Variants in SLC35F3 observed in about 807,000 individuals in gnomAD.
The protein encoded by SLC35F3 is putative thiamine transporter SLC35F3.
SLC35F3 carries 25 observed loss-of-function variants against 49.9 expected under a neutral mutation model. That is an observed-to-expected ratio of 0.50 (90% confidence interval 0.37 to 0.70). The LOEUF (loss-of-function observed/expected upper bound fraction) is 0.70, where lower values mean the gene tolerates loss of function less well. Ranked by LOEUF, SLC35F3 falls within the 30% of genes least tolerant of loss-of-function variation. The pLI is 0.00. For synonymous variants in SLC35F3, 275 were observed against 265.4 expected, an observed-to-expected ratio of 1.04 and a Z score of -0.35; for missense variants, 525 against 639.8, an observed-to-expected ratio of 0.82 and a Z score of 1.94.
At chr1:234,147,230 CTTTT>C (rs201359916) in intron 2 of SLC35F3, among the ~76,000 whole-genome samples, 8,365 of 125,104 alleles carry the variant, frequency 0.067, 583 homozygotes, top group African/African-American at 0.19. Flanking sequence ...TTTCTATTTT[CTTTT>C]TTTTTTTTTT....
chr1:234,096,700 A>G (rs984573540), intron 2 of SLC35F3, among the ~76,000 whole-genome samples: 8 of 152,062 alleles, frequency 5.3e-5, no homozygotes, highest in Non-Finnish European at 7.4e-5. Flanking sequence ...TCACTGCAGC[A>G]TTTTCTCACA....
chr1:234,098,881 T>C (rs542118416), intron 2 of SLC35F3, among the ~76,000 whole-genome samples: 7 of 151,272 alleles, frequency 4.6e-5, no homozygotes, highest in African/African-American at 1.7e-4. Flanking sequence ...GTAGTGACGG[T>C]GTTATAGGGT....
intron 2 of SLC35F3, among the ~76,000 whole-genome samples, chr1:234,199,275 G>C (rs1666863413): frequency 6.6e-6 from 1 of 152,074 alleles, no homozygotes; most frequent in African/African-American, 2.4e-5. Context: ...TAATGGCACT[G>C]GCATGACGAC....
At chr1:233,936,885 C>A (rs1571986985) in intron 2 of SLC35F3, among the ~76,000 whole-genome samples, 3 of 152,074 alleles carry the variant, frequency 2.0e-5, no homozygotes, top group African/African-American at 7.2e-5. Flanking sequence ...AGAGACGGGG[C>A]CTCCTTGTGT....
chr1:233,969,089 C>A (rs1662950461), intron 2 of SLC35F3, among the ~76,000 whole-genome samples: 1 of 150,966 alleles, frequency 6.6e-6, no homozygotes, highest in Admixed American at 6.6e-5. Flanking sequence ...CAACCCATAA[C>A]ATAGAGTATA....
rs958836489 is a variant in SLC35F3, at chr1:234,296,983, G to C, written c.609-12118G>C. On this transcript the variant is annotated intron_variant, in intron 3 of 7. Transcript: ENST00000366618. Reference sequence around the variant, plus strand: ...GAACACAGACAATTAAAAAAAACATGTGGTCAAAGGACCTGAATAGACATT... The same window carrying C: ...GAACACAGACAATTAAAAAAAACATCTGGTCAAAGGACCTGAATAGACATT... Among the ~76,000 whole-genome samples, 6 of 152,244 alleles carry C rather than the reference G, an allele frequency of 3.9e-5. No individual in the cohort carries two copies. In the South Asian group the frequency reaches 1.2e-3, roughly 32 times the overall value.
chr1:233,906,952 GT>G (rs1661787326), intron 2 of SLC35F3, among the ~76,000 whole-genome samples: 3 of 152,144 alleles, frequency 2.0e-5, no homozygotes, highest in African/African-American at 7.2e-5. Context: ...AAAATTGTCT[GT>G]ATCTCTTCCA....
intron 2 of SLC35F3, among the ~76,000 whole-genome samples, chr1:233,943,717 TGAAAG>T (rs1341400640): frequency 6.6e-6 from 1 of 152,088 alleles, no homozygotes; most frequent in Admixed American, 6.6e-5. Context: ...AATAAGGAAA[TGAAAG>T]GAAAGGTGTA....
intron 2 of SLC35F3, among the ~76,000 whole-genome samples, chr1:234,130,656 G>GA (rs1558237463): frequency 7.0e-6 from 1 of 143,340 alleles, no homozygotes; most frequent in Non-Finnish European, 1.5e-5. Flanking sequence ...AAAAAAAAAA[G>GA]AAAGACCTCT....
intron 2 of SLC35F3, among the ~76,000 whole-genome samples, chr1:233,907,989 G>A (rs935023203): frequency 1.3e-5 from 2 of 152,224 alleles, no homozygotes; most frequent in African/African-American, 4.8e-5. Context: ...GCCTCCCAAA[G>A]TGCTGGGATT....
intron 2 of SLC35F3, among the ~76,000 whole-genome samples, chr1:234,165,215 G>A (rs1178343837): frequency 2.0e-5 from 3 of 152,124 alleles, no homozygotes; most frequent in Non-Finnish European, 2.9e-5. Flanking sequence ...TTGTAGCATA[G>A]ATTAAAGGAA....
At chr1:234,174,095 G>C (rs1330071526) in intron 2 of SLC35F3, among the ~76,000 whole-genome samples, 1 of 152,232 alleles carries the variant, frequency 6.6e-6, no homozygotes, top group Non-Finnish European at 1.5e-5. Context: ...TGGCAGTCCT[G>C]TGTTCCTGCG....
intron 2 of SLC35F3, among the ~76,000 whole-genome samples, chr1:233,994,576 T>C (rs532438429): frequency 3.3e-5 from 5 of 152,312 alleles, no homozygotes; most frequent in South Asian, 2.1e-4. Flanking sequence ...TTGACTTTCA[T>C]TGGAAGAGCC....
intron 2 of SLC35F3, among the ~76,000 whole-genome samples, chr1:234,038,454 T>C (rs1011434250): frequency 1.2e-4 from 18 of 151,908 alleles, no homozygotes; most frequent in African/African-American, 4.4e-4. Flanking sequence ...AGCAGCATGA[T>C]TTATAGTCCT....
intron 2 of SLC35F3, among the ~76,000 whole-genome samples, chr1:234,007,789 A>G (rs914625441): frequency 1.3e-5 from 2 of 152,046 alleles, no homozygotes; most frequent in Non-Finnish European, 2.9e-5. Context: ...TCATAAAAAT[A>G]AAAGTGTAAA....
At chr1:234,222,327 G>A (rs1361556970) in intron 2 of SLC35F3, among the ~76,000 whole-genome samples, 2 of 152,220 alleles carry the variant, frequency 1.3e-5, no homozygotes, top group African/African-American at 4.8e-5. Context: ...GATTAAGCCT[G>A]AGAGGTCATG....
At chr1:234,000,198 G>A (rs986653059) in intron 2 of SLC35F3, among the ~76,000 whole-genome samples, 3 of 152,238 alleles carry the variant, frequency 2.0e-5, no homozygotes, top group Admixed American at 1.3e-4. Context: ...CATGGGCTGC[G>A]TTCCATTTCA....
intron 2 of SLC35F3, among the ~76,000 whole-genome samples, chr1:234,138,632 T>C (rs6667863): frequency 0.76 from 115,046 of 152,158 alleles, 44,027 homozygotes; most frequent in African/African-American, 0.89. Flanking sequence ...ACGGCAGCCT[T>C]GACCTCCTGT....
chr1:233,943,438 A>G (rs1160982358), intron 2 of SLC35F3, among the ~76,000 whole-genome samples: 3 of 152,350 alleles, frequency 2.0e-5, no homozygotes, highest in African/African-American at 7.2e-5. Context: ...GCTTTGCCCA[A>G]TATGTTTATG....
Sources: allele counts gnomAD v4.1 joint callset (sites outside exome capture counted in the v4.1 genomes callset), GRCh38; gene constraint gnomAD v4.1.1; transcripts MANE v1.5; gene names NCBI Gene and HGNC (gene_info 2026-07-23, HGNC 2026-07-21).